ZP4: variants seen among roughly 807,000 people sequenced by gnomAD.
ZP4 encodes zona pellucida glycoprotein 4.
In ZP4, 62 loss-of-function variants were observed where a neutral mutation model predicts 62.3. The ratio of observed to expected loss-of-function variants is 0.99; its 90% CI spans 0.81 to 1.23. The LOEUF (loss-of-function observed/expected upper bound fraction) is 1.23. Among genes scored for constraint, ZP4 ranks in the 50% most tolerant of loss-of-function variants. ZP4 has a pLI of 0.00. For synonymous variants in ZP4, 289 were observed against 247.3 expected, an observed-to-expected ratio of 1.17 and a Z score of -1.58; for missense variants, 774 against 656.0, an observed-to-expected ratio of 1.18 and a Z score of -1.97.
rs368122633 is a variant in ZP4 at position 237,882,720 on chromosome 1, C to A, written c.1495+22G>T. On this transcript the variant is annotated intron_variant, in intron 11 of 11. Coordinates refer to ENST00000366570, the MANE Select transcript of ZP4 (RefSeq NM_021186.5). ...TAGTAATTTAGTTCACTAGTTTGATCTCCTCCCTCTTGGATACTTACGGAG... is the reference window on the plus strand; with the variant it reads ...TAGTAATTTAGTTCACTAGTTTGATATCCTCCCTCTTGGATACTTACGGAG... The A allele has an allele frequency of 8.4e-5, 136 of 1,609,564 alleles. No homozygotes were observed. In the African/African-American group the frequency reaches 1.6e-3, roughly 18 times the overall value.
chr1:237,884,156 G>T (rs2103016224), intron 10 of ZP4, among the ~76,000 whole-genome samples: 1 of 152,112 alleles, frequency 6.6e-6, no homozygotes, highest in African/African-American at 2.4e-5. Context: ...ATCTAAGATG[G>T]TTCATTCTTT....
chr1:237,888,983 T>C (rs914735810), intron 3 of ZP4, among the ~76,000 whole-genome samples: 2 of 152,262 alleles, frequency 1.3e-5, no homozygotes, highest in East Asian at 3.9e-4. Flanking sequence ...AGAGTGAATT[T>C]ATAGTTTGAG....
In ZP4 at chr1:237,890,456, C is replaced by G; in HGVS notation, c.175+5G>C. The stretch of plus-strand genomic sequence containing the variant: ...TGGCTAAGCAAGGCAAGTCATCAAA[C>G]TTACCCCAAGCTATTAGTACAGGAG... On this transcript the variant is annotated splice_donor_5th_base_variant and intron_variant, in intron 1 of 11. Transcript: ENST00000366570. 1 of 1,605,264 alleles carries G rather than the reference C, an allele frequency of 6.2e-7. No individual in the cohort carries two copies. The highest frequency in any genetic ancestry group is 8.5e-7 in the Non-Finnish European group (1 of 1,176,406).
intron 6 of ZP4, 44 bp downstream of exon 6, chr1:237,886,727 C>T: frequency 6.5e-7 from 1 of 1,544,324 alleles, no homozygotes; most frequent in South Asian, 1.1e-5. Context: ...CCTGAGAATG[C>T]CCACCTTATG....
chr1:237,890,611 G>A lies in ZP4; in HGVS notation c.25C>T (p.Leu9=). 1 of 1,613,712 alleles carries A rather than the reference G, an allele frequency of 6.2e-7. No homozygotes were observed. Among genetic ancestry groups the A allele is most frequent in the South Asian group, 1.1e-5 (1 of 91,004 alleles). The change falls in exon 1 of 12, where the codon CTG becomes TTG. Residue 9 remains leucine (L), a synonymous_variant. Transcript: ENST00000366570. ...ACAGCAAGAGATAATGAAACACACA[G>A]CAAAACGCACCGCAGCAGCCACATA... MWLLRCVL[L]CVSLSLAVSG... is the part of the protein sequence containing the mutation.
intron 10 of ZP4, among the ~76,000 whole-genome samples, chr1:237,884,033 A>AC (rs1665031634): frequency 1.2e-4 from 10 of 80,574 alleles, no homozygotes; most frequent in South Asian, 7.5e-4. Context: ...CACACACACA[A>AC]ACACACACAA....
chr1:237,886,129 A>G (rs1467790973), intron 6 of ZP4, among the ~76,000 whole-genome samples: 2 of 152,202 alleles, frequency 1.3e-5, no homozygotes, highest in Non-Finnish European at 2.9e-5. Context: ...GATGCTTGCC[A>G]TAGAGAAGAT....
rs200740782 is a variant in ZP4, at chr1:237,889,980, A to G, written c.298-11T>C. 4.8e-4 allele frequency: 773 copies of G among 1,614,182 alleles called. No individual in the cohort carries two copies. The highest frequency in any genetic ancestry group is 6.0e-4 in the Non-Finnish European group (710 of 1,180,032). On this transcript the variant is annotated splice_polypyrimidine_tract_variant and intron_variant, in intron 2 of 11. Coordinates refer to ENST00000366570, the MANE Select transcript of ZP4 (RefSeq NM_021186.5). ...GATGTAGTGGGAGTCCTGGAGAGAC[A>G]GGCCCTTGGGGGTCAGCCTGGATGG... is the stretch of plus-strand genomic sequence containing the variant.
At chr1:237,883,145 C>CA (rs1343880738) in intron 10 of ZP4, among the ~76,000 whole-genome samples, 1 of 152,092 alleles carries the variant, frequency 6.6e-6, no homozygotes. Flanking sequence ...CCCTGAAATT[C>CA]AAAGGTAACT....
In ZP4 at chr1:237,890,889, A is replaced by G; in HGVS notation, c.-254T>C. On this transcript the variant is annotated 5_prime_UTR_variant, in exon 1 of 12. Transcript: ENST00000366570. ...TTCAGAGCCCAAGAAAAATGTAGTA[A>G]CTTTTAGCTAACAGAAAGGAAGGAA... is the stretch of plus-strand genomic sequence containing the variant. 1 of 367,996 alleles carries G rather than the reference A, an allele frequency of 2.7e-6. No homozygotes were observed. The highest frequency in any genetic ancestry group is 4.3e-5 in the Admixed American group (1 of 23,006). 22.8% of individuals were successfully genotyped at this position (367,996 alleles called of 1,614,324 possible). A position where few individuals can be genotyped will look rare whatever the true frequency, so the allele number is the denominator to read the frequency against.
chr1:237,882,582 T>G (rs189743515), intron 11 of ZP4, 33 bp from the exon 12 acceptor site: 4 of 1,580,474 alleles, frequency 2.5e-6, no homozygotes, highest in African/African-American at 2.7e-5. Context: ...GGTTAATGTA[T>G]GCTAAAACCA....
At chr1:237,889,477 C>T (rs764689578) in intron 3 of ZP4, among the ~76,000 whole-genome samples, 13 of 152,058 alleles carry the variant, frequency 8.5e-5, no homozygotes, top group Non-Finnish European at 1.5e-4. Flanking sequence ...TACCACCACA[C>T]CCGGCTGATT....
rs1665080327 is a variant in ZP4 at position 237,885,543 on chromosome 1, G to A, written c.1008C>T (p.Tyr336=). ...NYGSYYGVGD[Y]PVVKLLRDPI... ...GATCCCGAAGCAACTTCACCACTGGGTAGTCACCAACACCGTAGTAAGAGC... is the reference window on the plus strand; with the variant it reads ...GATCCCGAAGCAACTTCACCACTGGATAGTCACCAACACCGTAGTAAGAGC... Residue 336 remains tyrosine, a synonymous_variant, in exon 8 of 12, where the codon TAC becomes TAT. Coordinates refer to ENST00000366570, the MANE Select transcript of ZP4 (RefSeq NM_021186.5). 1.9e-6 allele frequency: 3 copies of A among 1,614,096 alleles called. No individual in the cohort carries two copies. Among genetic ancestry groups the A allele is most frequent in the Non-Finnish European group, 2.5e-6 (3 of 1,180,000 alleles).
chr1:237,890,488 T>A lies in ZP4; in HGVS notation c.148A>T (p.Thr50Ser), dbSNP rs751354539. Residue 50 changes from threonine (T) to serine (S), a missense_variant, in exon 1 of 12, where the codon ACG (threonine) becomes TCG (serine). Physicochemically the swap from Thr to Ser is moderately conservative, Grantham distance 58. Transcript: ENST00000366570. The stretch of plus-strand genomic sequence containing the variant: ...CAAGCTATTAGTACAGGAGGAGACG[T>A]TGCCTCCTGGTTGAGGTTTACAGCA... ...QFAVNLNQEA[T>S]SPPVLIAWDN... 1 of 1,613,606 alleles carries A rather than the reference T, an allele frequency of 6.2e-7. No homozygotes were observed. The highest frequency in any genetic ancestry group is 8.5e-7 in the Non-Finnish European group (1 of 1,179,898).
chr1:237,884,021 C>CACACACACACACACACACACACAA (rs1665028313), intron 10 of ZP4, among the ~76,000 whole-genome samples: 2 of 58,890 alleles, frequency 3.4e-5, no homozygotes, highest in African/African-American at 1.4e-4. Context: ...CACACAAACA[C>CACACACACACACACACACACACAA]ACACACACAC....
chr1:237,889,846 C>T (rs1665195623), intron 3 of ZP4, 21 bp downstream of exon 3: 2 of 1,608,864 alleles, frequency 1.2e-6, no homozygotes, highest in Non-Finnish European at 1.7e-6. Flanking sequence ...CCACAAGACC[C>T]TGAGAGCTTC....
chr1:237,885,428 G>A lies in ZP4; in HGVS notation c.1123C>T (p.Pro375Ser), dbSNP rs543227687. 1.2e-6 allele frequency: 2 copies of A among 1,613,176 alleles called. No individual in the cohort carries two copies. The highest frequency in any genetic ancestry group is 1.7e-6 in the Non-Finnish European group (2 of 1,179,632). ...ATGGGCCACTGTGGCTGACTCAGGG[G>A]GTCAGTGCTGGGTGTTGCCCAACAC... is the stretch of plus-strand genomic sequence containing the variant. ...QQCWATPSTD[P>S]LSQPQWPILV... The change falls in exon 8 of 12, where the codon CCC becomes TCC. Residue 375 changes from proline (P) to serine (S), a missense_variant. Pro to Ser is a moderately conservative substitution (Grantham distance 74, BLOSUM62 -1). Transcript: ENST00000366570.
rs139132490 is a variant in ZP4, at chr1:237,885,230, G to T, written c.1246C>A (p.Arg416Ser). 1 of 1,614,040 alleles carries T rather than the reference G, an allele frequency of 6.2e-7. No individual in the cohort carries two copies. Among genetic ancestry groups the T allele is most frequent in the Non-Finnish European group, 8.5e-7 (1 of 1,180,046 alleles). ...AAGCTGAAGGTGAAGATGCTGAAGC[G>T]CTGGTGGTGAGAGGGAAATGGAAGA... The part of the protein sequence containing the change: ...LDLPFPSHHQ[R>S]FSIFTFSFVN... Residue 416 changes from arginine to serine, a missense_variant, in exon 9 of 12, where the codon CGC becomes AGC. Transcript: ENST00000366570.
intron 5 of ZP4, 66 bp downstream of exon 5, chr1:237,887,308 C>A (rs1665126509): frequency 1.9e-6 from 3 of 1,555,488 alleles, no homozygotes; most frequent in South Asian, 2.4e-5. Context: ...TTTCAGCTCT[C>A]CCCCACTAGT....
Sources: allele counts gnomAD v4.1 joint callset (sites outside exome capture counted in the v4.1 genomes callset), GRCh38; gene constraint gnomAD v4.1.1; transcripts MANE v1.5; gene names NCBI Gene and HGNC (gene_info 2026-07-23, HGNC 2026-07-21).